Variants in RGS17 observed in about 807,000 individuals in gnomAD.
The protein encoded by RGS17 is regulator of G protein signaling 17.
Under a neutral mutation model 25.5 loss-of-function variants are expected in RGS17, and 12 were observed. The observed-to-expected ratio is 0.47, with a 90% CI of 0.30 to 0.76. The LOEUF is 0.76. RGS17 is among the 30% of genes least tolerant of loss of function. The pLI is 0.07. For missense variants in RGS17, 196 were observed against 242.2 expected, an observed-to-expected ratio of 0.81 and a Z score of 1.27; for synonymous variants, 71 against 76.9, an observed-to-expected ratio of 0.92 and a Z score of 0.40.
At chr6:153,125,588 C>T (rs908380635) in intron 1 of RGS17, among the ~76,000 whole-genome samples, 5 of 152,174 alleles carry the variant, frequency 3.3e-5, no homozygotes, top group African/African-American at 1.2e-4. Flanking sequence ...ACACTTTCAG[C>T]TGGGCGCAGT....
chr6:153,093,734 G>T (rs1054790037), intron 1 of RGS17, among the ~76,000 whole-genome samples: 2 of 152,108 alleles, frequency 1.3e-5, no homozygotes, highest in Admixed American at 6.5e-5. Context: ...GGTAGATAAG[G>T]GGATTAATAT....
chr6:153,024,148 C>A, intron 4 of RGS17, 114 bp downstream of exon 4: 1 of 655,968 alleles, frequency 1.5e-6, no homozygotes, highest in Non-Finnish European at 2.7e-6. Flanking sequence ...ATTATCTACC[C>A]AGTGAAATCT....
chr6:153,123,831 C>A (rs1777670593), intron 1 of RGS17, among the ~76,000 whole-genome samples: 3 of 152,174 alleles, frequency 2.0e-5, no homozygotes, highest in African/African-American at 7.2e-5. Context: ...TCTTACATTA[C>A]AATGATTACG....
intron 1 of RGS17, among the ~76,000 whole-genome samples, chr6:153,088,284 T>C (rs566624385): frequency 1.3e-5 from 2 of 152,162 alleles, no homozygotes; most frequent in Non-Finnish European, 2.9e-5. Context: ...TCCTGACCCA[T>C]AGGAACTGTG....
chr6:153,027,255 G>A (rs752004682), intron 2 of RGS17, among the ~76,000 whole-genome samples: 3 of 152,042 alleles, frequency 2.0e-5, no homozygotes, highest in Non-Finnish European at 4.4e-5. Context: ...GGATAATGCC[G>A]AAGGTTTTAG....
At chr6:153,071,737 T>A (rs1269829545) in intron 1 of RGS17, among the ~76,000 whole-genome samples, 1 of 152,134 alleles carries the variant, frequency 6.6e-6, no homozygotes, top group African/African-American at 2.4e-5. Context: ...ACAGATTACA[T>A]ATTGAGTAGC....
intron 1 of RGS17, among the ~76,000 whole-genome samples, chr6:153,061,206 C>T (rs770706907): frequency 1.8e-4 from 27 of 152,140 alleles, no homozygotes; most frequent in Non-Finnish European, 4.0e-4. Flanking sequence ...TTGGGGTGAA[C>T]ATCTTAATGG....
intron 1 of RGS17, among the ~76,000 whole-genome samples, chr6:153,077,158 T>C (rs949650040): frequency 3.3e-5 from 5 of 152,138 alleles, no homozygotes; most frequent in African/African-American, 4.8e-5. Flanking sequence ...CTAGACCTAA[T>C]TTTCAAGTTA....
intron 1 of RGS17, among the ~76,000 whole-genome samples, chr6:153,110,940 C>T (rs1351564048): frequency 6.6e-6 from 1 of 152,166 alleles, no homozygotes; most frequent in African/African-American, 2.4e-5. Flanking sequence ...CTTCACAACC[C>T]GCAGACCAGG....
chr6:153,085,457 G>A (rs900896604), intron 1 of RGS17, among the ~76,000 whole-genome samples: 1 of 152,156 alleles, frequency 6.6e-6, no homozygotes, highest in East Asian at 1.9e-4. Flanking sequence ...AAACAGAAGT[G>A]ACGTCACCTG....
chr6:153,068,989 T>C (rs1284225460), intron 1 of RGS17, among the ~76,000 whole-genome samples: 1 of 152,166 alleles, frequency 6.6e-6, no homozygotes, highest in African/African-American at 2.4e-5. Flanking sequence ...AAGGGAACCA[T>C]TGTACACTGT....
In RGS17 at chr6:153,008,543, G is replaced by C. The variant is rs1037075755; in HGVS notation, c.*3031C>G. On this transcript the variant is annotated 3_prime_UTR_variant, in exon 5 of 5. Coordinates refer to ENST00000206262, the MANE Select transcript of RGS17 (RefSeq NM_012419.5). ...ACAAGATCAATCTCTGAAGAAATCT[G>C]GCTCTCCAATTTATTTATATATACA... 3 of 152,060 alleles carry C rather than the reference G, an allele frequency of 2.0e-5. No individual in the cohort carries two copies. The highest frequency in any genetic ancestry group is 7.2e-5 in the African/African-American group (3 of 41,396). 9.4% of individuals were successfully genotyped at this position (152,060 alleles called of 1,614,324 possible).
At chr6:153,050,075 T>C (rs1776441333) in intron 1 of RGS17, among the ~76,000 whole-genome samples, 1 of 152,170 alleles carries the variant, frequency 6.6e-6, no homozygotes, top group South Asian at 2.1e-4. Flanking sequence ...AAAAATGGTG[T>C]TGAGATATTT....
rs1779119574 is a variant in RGS17, at chr6:153,010,494, T to C, written c.*1080A>G. The C allele has an allele frequency of 6.6e-6, 1 of 152,046 alleles. No individual in the cohort carries two copies. The highest frequency in any genetic ancestry group is 2.1e-4 in the South Asian group (1 of 4,828). The allele number at this position is 152,046 out of a possible 1,614,324, so 9.4% of individuals were successfully genotyped here. A position where few individuals can be genotyped will look rare whatever the true frequency, so the allele number is the denominator to read the frequency against. The stretch of plus-strand genomic sequence containing the variant: ...GTTAAGGTCTGAAGTAGAGGATTAT[T>C]TTCTTCATAACCCTTATAAAACTTT... On this transcript the variant is annotated 3_prime_UTR_variant, in exon 5 of 5. Transcript: ENST00000206262.
chr6:153,053,401 C>T lies in RGS17; in HGVS notation c.-25-9358G>A, dbSNP rs564706534. ...TGGACTGGATCCATTACTGGGTGTT[C>T]GGGAAGATAACGATCAGGCTGTGAT... On this transcript the variant is annotated intron_variant, in intron 1 of 4. Transcript: ENST00000206262. Among the ~76,000 whole-genome samples the T allele has an allele frequency of 7.9e-5, 12 of 152,164 alleles. No homozygotes were observed. The East Asian group carries it at 1.2e-3, about 15-fold the overall frequency.
At chr6:153,119,659 C>T (rs1053085842) in intron 1 of RGS17, among the ~76,000 whole-genome samples, 3 of 152,172 alleles carry the variant, frequency 2.0e-5, no homozygotes, top group African/African-American at 7.2e-5. Context: ...CGCCATTGCA[C>T]TCCAGCCTGG....
chr6:153,053,289 A>G (rs1776487652), intron 1 of RGS17, among the ~76,000 whole-genome samples: 1 of 152,242 alleles, frequency 6.6e-6, no homozygotes, highest in Non-Finnish European at 1.5e-5. Context: ...TAAATACAGT[A>G]TCAACATAAT....
intron 1 of RGS17, among the ~76,000 whole-genome samples, chr6:153,123,811 T>A (rs1279674982): frequency 1.3e-5 from 2 of 152,188 alleles, no homozygotes; most frequent in African/African-American, 4.8e-5. Context: ...TACACCAGCG[T>A]TTTAGAATAT....
rs181037651 is a variant in RGS17, at chr6:153,052,506, G to A, written c.-25-8463C>T. On this transcript the variant is annotated intron_variant, in intron 1 of 4. Coordinates refer to ENST00000206262, the MANE Select transcript of RGS17 (RefSeq NM_012419.5). ...TAATTGTGGTTTTTTGCCATTAAAAGTAGCAAAAATCGCAATTACTTTTGC... is the reference window on the plus strand; with the variant it reads ...TAATTGTGGTTTTTTGCCATTAAAAATAGCAAAAATCGCAATTACTTTTGC... Among the ~76,000 whole-genome samples, 591 of 151,940 alleles carry A rather than the reference G, an allele frequency of 3.9e-3. 13 individuals carry two copies. Among genetic ancestry groups the A allele is most frequent in the Admixed American group, 0.028 (424 of 15,276 alleles).
Sources: gnomAD v4.1 joint callset for allele counts (sites outside exome capture counted in the v4.1 genomes callset) on GRCh38, gnomAD v4.1.1 for gene constraint, MANE v1.5 for transcripts, NCBI Gene and HGNC (gene_info 2026-07-23, HGNC 2026-07-21) for gene names.